AKAP12: variants seen among roughly 807,000 people sequenced by gnomAD.
AKAP12 encodes the protein A-kinase anchoring protein 12.
A neutral mutation model predicts 79.9 loss-of-function variants in AKAP12; 32 were observed. The observed-to-expected ratio is 0.40, with a 90% confidence interval of 0.30 to 0.54. AKAP12 has a LOEUF of 0.54. Among genes scored for constraint, AKAP12 ranks in the 20% least tolerant of loss-of-function variants. The pLI is 0.48. For missense variants in AKAP12, 2,074 were observed against 2,177.0 expected (o/e 0.95, Z 0.94); for synonymous variants, 808 against 857.0 (o/e 0.94, Z 1.00).
chr6:151,325,651 A>T, intron 3 of AKAP12: 1 of 1,401,638 alleles, frequency 7.1e-7, no homozygotes, highest in Non-Finnish European at 9.2e-7. Flanking sequence ...GCCTATAATT[A>T]TCTGGGGAAA....
chr6:151,325,410 C>G (rs983251997), intron 3 of AKAP12: 5 of 985,326 alleles, frequency 5.1e-6, no homozygotes, highest in Non-Finnish European at 4.8e-6. Context: ...TGCGCCGGCT[C>G]CAGCATCGAA....
intron 3 of AKAP12, chr6:151,324,483 T>G (rs1231500275): frequency 2.0e-6 from 2 of 985,412 alleles, no homozygotes; most frequent in Non-Finnish European, 2.4e-6. Flanking sequence ...CATTTTTCCC[T>G]GATTCTCCTG....
chr6:151,288,512 AAAAG>A (rs377434314), intron 2 of AKAP12, among the ~76,000 whole-genome samples: 13 of 152,212 alleles, frequency 8.5e-5, no homozygotes, highest in South Asian at 2.1e-4. Context: ...ACATCGTCTC[AAAAG>A]AAAGAAAGAA....
chr6:151,349,898 C>G lies in AKAP12; in HGVS notation c.1507C>G (p.Leu503Val). ...PEGVVSEVEM[L>V]SSQERMKVQG... ...AGGCGTTGTGAGTGAGGTGGAAATG[C>G]TGTCATCACAGGAGAGAATGAAGGT... The change falls in exon 4 of 5, where the codon CTG becomes GTG. Residue 503 changes from leucine to valine, a missense_variant. By Grantham distance (32) the Leu-to-Val change is conservative (BLOSUM62 1). Coordinates refer to ENST00000402676, the MANE Select transcript of AKAP12 (RefSeq NM_005100.4). 1 of 1,614,116 alleles carries G rather than the reference C, an allele frequency of 6.2e-7. No homozygotes were observed. The highest frequency in any genetic ancestry group is 8.5e-7 in the Non-Finnish European group (1 of 1,180,028).
intron 3 of AKAP12, chr6:151,319,543 TATAGATATATATATCTATATAG>T (rs1436763798): frequency 1.5e-4 from 13 of 86,284 alleles, no homozygotes; most frequent in African/African-American, 6.7e-4. Flanking sequence ...TATATATAGA[TATAGATATATATATCTATATAG>T]AGATATATCT....
chr6:151,349,252 C>A lies in AKAP12; in HGVS notation c.861C>A (p.Pro287=). 2 of 1,613,566 alleles carry A rather than the reference C, an allele frequency of 1.2e-6. No individual in the cohort carries two copies. The highest frequency in any genetic ancestry group is 2.2e-5 in the East Asian group (1 of 44,890). ...AGTCTGCAGAATCTCCGACTAGTCC[C>A]GTGACCAGTGAAACAGGATCAACCT... ...PSKSAESPTS[P]VTSETGSTFK... is the part of the protein sequence containing the mutation. The change falls in exon 4 of 5, where the codon CCC becomes CCA. Residue 287 remains proline, a synonymous_variant. Coordinates refer to ENST00000402676, the MANE Select transcript of AKAP12 (RefSeq NM_005100.4).
intron 3 of AKAP12, chr6:151,325,568 C>A (rs1386859031): frequency 8.9e-5 from 116 of 1,302,140 alleles, no homozygotes; most frequent in Non-Finnish European, 1.1e-4. Flanking sequence ...TCCCGAAGTC[C>A]TGGAGCTCAG....
At chr6:151,242,180 T>G (rs1232235370) in intron 2 of AKAP12, among the ~76,000 whole-genome samples, 1 of 152,178 alleles carries the variant, frequency 6.6e-6, no homozygotes, top group Non-Finnish European at 1.5e-5. Context: ...GAAAATAATT[T>G]TAAGGTATAA....
At chr6:151,259,000 A>ATG (rs748890652) in intron 2 of AKAP12, among the ~76,000 whole-genome samples, 1 of 150,672 alleles carries the variant, frequency 6.6e-6, no homozygotes, top group East Asian at 2.0e-4. Flanking sequence ...GTATCTATAT[A>ATG]TGTGTGTGTG....
At chr6:151,256,962 A>ATATATATATATATATATATATAT (rs1554319585) in intron 2 of AKAP12, among the ~76,000 whole-genome samples, 3 of 151,080 alleles carry the variant, frequency 2.0e-5, no homozygotes, top group Non-Finnish European at 2.9e-5. Flanking sequence ...ATATATATAT[A>ATATATATATATATATATATATAT]AACTTTAAAT....
At chr6:151,303,674 A>G (rs1414656940) in intron 2 of AKAP12, among the ~76,000 whole-genome samples, 1 of 152,242 alleles carries the variant, frequency 6.6e-6, no homozygotes, top group African/African-American at 2.4e-5. Context: ...ATTGCTTTGT[A>G]GCATGCAGGT....
At position 151,351,230 on chromosome 6, in the gene AKAP12, C is replaced by T. The variant is rs774322194; in HGVS notation, c.2839C>T (p.Pro947Ser). 1 of 1,614,190 alleles carries T rather than the reference C, an allele frequency of 6.2e-7. No individual in the cohort carries two copies. Among genetic ancestry groups the T allele is most frequent in the Non-Finnish European group, 8.5e-7 (1 of 1,180,032 alleles). Residue 947 changes from proline to serine, a missense_variant, in exon 4 of 5, where the codon CCC becomes TCC. Around this residue, in one of 3 missense-constraint regions of AKAP12, gnomAD observed 1,428 missense variants for 1,451.0 expected, o/e 0.98. Transcript: ENST00000402676. This position sits in a 1 kb window ranked among gnomAD's most constrained non-coding sequence, Gnocchi z 4.4. ...AAGAGAAGTAATTGCAGAAGAAGAA[C>T]CCCCCACGGTTACTGAACCTCTGCC... ...LEREVIAEEE[P>S]PTVTEPLPEN... is the part of the protein sequence containing the mutation.
intron 2 of AKAP12, among the ~76,000 whole-genome samples, chr6:151,267,062 G>A (rs60525638): frequency 0.24 from 33,926 of 143,480 alleles, 4,372 homozygotes; most frequent in East Asian, 0.43. Flanking sequence ...AAATCACAAA[G>A]TGTTGGAATG....
chr6:151,311,361 C>G (rs2091240900), intron 3 of AKAP12, among the ~76,000 whole-genome samples: 1 of 152,202 alleles, frequency 6.6e-6, no homozygotes, highest in Non-Finnish European at 1.5e-5. Context: ...GTGCTCTGAC[C>G]TTGGCATTTG....
intron 2 of AKAP12, among the ~76,000 whole-genome samples, chr6:151,268,945 GTTTTTTTTTTTTT>G (rs558502756): frequency 2.0e-3 from 155 of 77,436 alleles, no homozygotes; most frequent in African/African-American, 6.7e-3. Flanking sequence ...TGCTCGGCCT[GTTTTTTTTTTTTT>G]TTTTTTTTTT....
At chr6:151,271,300 C>T (rs1355987205) in intron 2 of AKAP12, among the ~76,000 whole-genome samples, 1 of 151,898 alleles carries the variant, frequency 6.6e-6, no homozygotes, top group African/African-American at 2.4e-5. Flanking sequence ...TGCTTACCCC[C>T]AGTGCCATTA....
At chr6:151,264,642 G>C (rs189673157) in intron 2 of AKAP12, among the ~76,000 whole-genome samples, 2 of 148,698 alleles carry the variant, frequency 1.3e-5, no homozygotes, top group Non-Finnish European at 3.0e-5. Context: ...CTGAACTCCA[G>C]CCTGGGTGAG....
intron 2 of AKAP12, 111 bp from the exon 3 acceptor site, chr6:151,305,636 T>C: frequency 2.7e-6 from 3 of 1,104,278 alleles, no homozygotes; most frequent in East Asian, 4.9e-5. Flanking sequence ...TTGAACTTCC[T>C]TTTCTCTGTA....
chr6:151,290,709 G>C (rs1372672547), intron 2 of AKAP12, among the ~76,000 whole-genome samples: 1 of 151,840 alleles, frequency 6.6e-6, no homozygotes, highest in African/African-American at 2.4e-5. Flanking sequence ...AGGTTCAAGC[G>C]ATTCTTCTGC....
Sources: gnomAD v4.1 joint callset for allele counts (sites outside exome capture counted in the v4.1 genomes callset) on GRCh38, gnomAD v4.1.1 for gene constraint, gnomAD v4.1.1 regional missense constraint, Gnocchi (gnomAD v3.1) non-coding constraint, MANE v1.5 for transcripts, NCBI Gene and HGNC (gene_info 2026-07-23, HGNC 2026-07-21) for gene names.